LHFPL3: variants seen among roughly 807,000 people sequenced by gnomAD.
LHFPL3 encodes LHFPL tetraspan subfamily member 3, also known as LHFPL tetraspan subfamily member 3 protein.
Under a neutral mutation model 19.3 loss-of-function variants are expected in LHFPL3, and 5 were observed. That is an observed-to-expected ratio of 0.26 (90% CI 0.14 to 0.54). LHFPL3 has a LOEUF of 0.54. Among genes scored for constraint, LHFPL3 ranks in the 20% least tolerant of loss-of-function variants. LHFPL3 has a pLI of 0.94. For synonymous variants in LHFPL3, 133 were observed against 126.2 expected, an observed-to-expected ratio of 1.05 and a Z score of -0.36; for missense variants, 249 against 307.4, an observed-to-expected ratio of 0.81 and a Z score of 1.42.
At chr7:104,624,887 G>C (rs1247547829) in intron 1 of LHFPL3, among the ~76,000 whole-genome samples, 1 of 152,174 alleles carries the variant, frequency 6.6e-6, no homozygotes, top group Non-Finnish European at 1.5e-5. Context: ...AGAGCAAAAG[G>C]AGAATAAATC....
chr7:104,472,057 G>T (rs539778635), intron 1 of LHFPL3, among the ~76,000 whole-genome samples: 2 of 151,926 alleles, frequency 1.3e-5, no homozygotes, highest in African/African-American at 4.8e-5. Flanking sequence ...TGTACCTGTA[G>T]TCTCAGCTAC....
At chr7:104,593,820 A>G (rs1465818529) in intron 1 of LHFPL3, among the ~76,000 whole-genome samples, 1 of 152,032 alleles carries the variant, frequency 6.6e-6, no homozygotes, top group Non-Finnish European at 1.5e-5. Flanking sequence ...TTTTGAACCA[A>G]CAAAGTTGGT....
intron 1 of LHFPL3, among the ~76,000 whole-genome samples, chr7:104,536,272 C>T (rs1047963706): frequency 2.0e-5 from 3 of 152,026 alleles, no homozygotes; most frequent in East Asian, 1.9e-4. Context: ...ACATAAAGTC[C>T]GTGATGCAAC....
At chr7:104,347,752 C>A (rs973222326) in intron 1 of LHFPL3, among the ~76,000 whole-genome samples, 1 of 151,988 alleles carries the variant, frequency 6.6e-6, no homozygotes, top group African/African-American at 2.4e-5. Context: ...ATTAGTCGGG[C>A]GTGGTGGCAC....
At chr7:104,379,645 G>A (rs985610903) in intron 1 of LHFPL3, among the ~76,000 whole-genome samples, 1 of 152,190 alleles carries the variant, frequency 6.6e-6, no homozygotes, top group Non-Finnish European at 1.5e-5. Context: ...TTTTTTGTAG[G>A]TGCATCAGTC....
At chr7:104,867,825 C>T (rs1791757419) in intron 2 of LHFPL3, among the ~76,000 whole-genome samples, 1 of 152,136 alleles carries the variant, frequency 6.6e-6, no homozygotes, top group South Asian at 2.1e-4. Flanking sequence ...TGAAAAAATC[C>T]TCAATAAAAT....
At position 104,866,369 on chromosome 7, in the gene LHFPL3, G is replaced by A. The variant is rs530029369; in HGVS notation, c.683-39818G>A. ...AGACACACATAGGCTCAAAATAAAGGGATGGAGGAAGATCTACCAAGCAAA... is the reference window on the plus strand; with the variant it reads ...AGACACACATAGGCTCAAAATAAAGAGATGGAGGAAGATCTACCAAGCAAA... On this transcript the variant is annotated intron_variant, in intron 2 of 2. Transcript: ENST00000424859. 1.2e-4 allele frequency among the ~76,000 whole-genome samples: 18 copies of A among 152,236 alleles called. 1 individual carries two copies. In the East Asian group the frequency reaches 3.3e-3, roughly 28 times the overall value.
chr7:104,385,631 CTCAG>C (rs756815833), intron 1 of LHFPL3, among the ~76,000 whole-genome samples: 4 of 152,096 alleles, frequency 2.6e-5, no homozygotes, highest in Admixed American at 6.5e-5. Context: ...CATGCATTCA[CTCAG>C]TCAATCATTC....
At chr7:104,750,825 G>A (rs1306291270) in intron 2 of LHFPL3, among the ~76,000 whole-genome samples, 36 of 134,798 alleles carry the variant, frequency 2.7e-4, no homozygotes, top group East Asian at 9.4e-4. Context: ...AGTTTGTTGT[G>A]GGGCCTGAGG....
At chr7:104,873,088 G>A (rs966317823) in intron 2 of LHFPL3, among the ~76,000 whole-genome samples, 2 of 152,108 alleles carry the variant, frequency 1.3e-5, no homozygotes, top group Non-Finnish European at 2.9e-5. Flanking sequence ...TTAATTTTAT[G>A]GGACCACCAT....
intron 1 of LHFPL3, among the ~76,000 whole-genome samples, chr7:104,652,691 A>G (rs1792053869): frequency 6.6e-6 from 1 of 152,170 alleles, no homozygotes; most frequent in South Asian, 2.1e-4. Flanking sequence ...GTGGTGAACG[A>G]GGGCCACTCT....
intron 2 of LHFPL3, among the ~76,000 whole-genome samples, chr7:104,817,415 T>C (rs1790575950): frequency 6.6e-6 from 1 of 152,202 alleles, no homozygotes; most frequent in Non-Finnish European, 1.5e-5. Context: ...AGCAGGGTTT[T>C]CTTGTTCATT....
At chr7:104,385,062 T>A (rs1790911115) in intron 1 of LHFPL3, among the ~76,000 whole-genome samples, 1 of 152,044 alleles carries the variant, frequency 6.6e-6, no homozygotes, top group African/African-American at 2.4e-5. Flanking sequence ...CTCTCCCACC[T>A]GGAATGGCCC....
intron 1 of LHFPL3, among the ~76,000 whole-genome samples, chr7:104,692,700 T>C (rs1240254122): frequency 6.6e-6 from 1 of 152,214 alleles, no homozygotes; most frequent in Non-Finnish European, 1.5e-5. Context: ...GAATTGAGGT[T>C]TGGGGACCTC....
chr7:104,472,630 T>A (rs1792933767), intron 1 of LHFPL3, among the ~76,000 whole-genome samples: 1 of 152,206 alleles, frequency 6.6e-6, no homozygotes, highest in Non-Finnish European at 1.5e-5. Flanking sequence ...CAAAATGTTA[T>A]CCTATTATAC....
intron 2 of LHFPL3, among the ~76,000 whole-genome samples, chr7:104,847,709 G>T (rs149636349): frequency 6.6e-6 from 1 of 152,176 alleles, no homozygotes; most frequent in Non-Finnish European, 1.5e-5. Context: ...ACGAGATTTC[G>T]CCATGTTGGC....
rs1790785266 is a variant in LHFPL3, at chr7:104,824,831, T to G, written c.683-81356T>G. ...ATATATATAATGATATATTATATAA[T>G]TATATATTATATATTATCTAATAAT... On this transcript the variant is annotated intron_variant, in intron 2 of 2. Coordinates refer to ENST00000424859, the MANE Select transcript of LHFPL3 (RefSeq NM_199000.3). 7.0e-5 allele frequency among the ~76,000 whole-genome samples: 9 copies of G among 128,810 alleles called. No individual in the cohort carries two copies. In the South Asian group the frequency reaches 2.0e-3, roughly 28 times the overall value. 84.5% of individuals were successfully genotyped at this position (128,810 alleles called of 152,430 possible).
intron 1 of LHFPL3, among the ~76,000 whole-genome samples, chr7:104,468,606 A>C (rs1208986721): frequency 6.6e-6 from 1 of 151,838 alleles, no homozygotes; most frequent in Non-Finnish European, 1.5e-5. Flanking sequence ...GGCATGGCAC[A>C]GTTTCCATGG....
At chr7:104,855,507 A>G (rs1227468698) in intron 2 of LHFPL3, among the ~76,000 whole-genome samples, 1 of 152,242 alleles carries the variant, frequency 6.6e-6, no homozygotes, top group African/African-American at 2.4e-5. Context: ...AGGAGAAAAT[A>G]CAATCCTCCT....
Sources: gnomAD v4.1 joint callset for allele counts (sites outside exome capture counted in the v4.1 genomes callset) on GRCh38, gnomAD v4.1.1 for gene constraint, MANE v1.5 for transcripts, NCBI Gene and HGNC (gene_info 2026-07-23, HGNC 2026-07-21) for gene names.